Variants in CTIF observed in about 807,000 individuals in gnomAD.
CTIF encodes CBP80/20-dependent translation initiation factor.
CTIF carries 21 observed loss-of-function variants against 66.0 expected under a neutral mutation model. That is an observed-to-expected ratio of 0.32 (90% confidence interval 0.23 to 0.46). The LOEUF (loss-of-function observed/expected upper bound fraction) is 0.46. Among genes scored for constraint, CTIF ranks in the 20% least tolerant of loss-of-function variants. The pLI, the probability that CTIF is intolerant of heterozygous loss-of-function variation, is 1.00. For missense variants in CTIF, 739 were observed against 812.7 expected (o/e 0.91, Z 1.10); for synonymous variants, 345 against 326.4 (o/e 1.06, Z -0.62).
At chr18:48,841,473 C>G (rs1232098338) in intron 10 of CTIF, among the ~76,000 whole-genome samples, 1 of 152,212 alleles carries the variant, frequency 6.6e-6, no homozygotes, top group African/African-American at 2.4e-5. Flanking sequence ...GTTTAGTCGC[C>G]CCCAGGGAAG....
In CTIF at chr18:48,755,812, T is replaced by C. The variant is rs559389827; in HGVS notation, c.585-2107T>C. 10 of 152,330 alleles carry C rather than the reference T, an allele frequency of 6.6e-5. 1 individual carries two copies. In the South Asian group the frequency reaches 1.9e-3, roughly 28 times the overall value. 9.4% of individuals were successfully genotyped at this position (152,330 alleles called of 1,614,324 possible). A position where few individuals can be genotyped will look rare whatever the true frequency, so the allele number is the denominator to read the frequency against. On this transcript the variant is annotated intron_variant, in intron 7 of 11. Coordinates refer to ENST00000256413, the MANE Select transcript of CTIF (RefSeq NM_014772.3). ...TACCAGATTTTTACAGATATTTTAA[T>C]AATGACTCTTAAATTATTGAAATAA...
intron 6 of CTIF, among the ~76,000 whole-genome samples, chr18:48,686,481 G>C (rs2091841647): frequency 6.6e-6 from 1 of 152,100 alleles, no homozygotes; most frequent in Admixed American, 6.6e-5. Context: ...TTAATGAATG[G>C]TTCTTAGAAG....
At position 48,829,484 on chromosome 18, in the gene CTIF, C is replaced by T. The variant is rs117234362; in HGVS notation, c.1527+12108C>T. ...GGTAACTCAGAAGTCAAAATATAAG[C>T]CTGCCTGTTTCCCACCTTAAGGGAG... On this transcript the variant is annotated intron_variant, in intron 10 of 11. Transcript: ENST00000256413. Among the ~76,000 whole-genome samples, 615 of 152,336 alleles carry T rather than the reference C, an allele frequency of 4.0e-3. 3 individuals are homozygous for T. Among genetic ancestry groups the T allele is most frequent in the Non-Finnish European group, 6.9e-3 (467 of 68,038 alleles).
At chr18:48,627,281 AGG>A (rs2090620773) in intron 2 of CTIF, among the ~76,000 whole-genome samples, 1 of 152,190 alleles carries the variant, frequency 6.6e-6, no homozygotes, top group Non-Finnish European at 1.5e-5. Context: ...TTGTAGGCTC[AGG>A]GGGCAAAGTC....
At chr18:48,836,000 G>C (rs2068800620) in intron 10 of CTIF, among the ~76,000 whole-genome samples, 1 of 152,124 alleles carries the variant, frequency 6.6e-6, no homozygotes, top group Non-Finnish European at 1.5e-5. Context: ...CCTGGGGACA[G>C]GCACCGGGCT....
chr18:48,693,737 C>T lies in CTIF; in HGVS notation c.508-17882C>T, dbSNP rs183490379. Reference sequence around the variant, plus strand: ...GCAAGGGTCTATCGGCCATGATCCACGCGCCAAGTCCAGCCCTCCATTGGT... The same window carrying T: ...GCAAGGGTCTATCGGCCATGATCCATGCGCCAAGTCCAGCCCTCCATTGGT... On this transcript the variant is annotated intron_variant, in intron 6 of 11. Transcript: ENST00000256413. Among the ~76,000 whole-genome samples the T allele has an allele frequency of 5.9e-5, 9 of 152,320 alleles. No homozygotes were observed. The East Asian group carries it at 7.7e-4, about 13-fold the overall frequency.
At chr18:48,848,414 C>G (rs1457266779) in intron 10 of CTIF, among the ~76,000 whole-genome samples, 1 of 152,188 alleles carries the variant, frequency 6.6e-6, no homozygotes, top group Non-Finnish European at 1.5e-5. Context: ...AGGAAGGAGG[C>G]TCCTCCAGGC....
rs1555710346 is a variant in CTIF, at chr18:48,863,197, A to ACAC, written c.*3647_*3649dup. 1.7e-4 allele frequency: 25 copies of ACAC among 150,932 alleles called. No individual in the cohort carries two copies. Among genetic ancestry groups the ACAC allele is most frequent in the African/African-American group, 4.2e-4 (17 of 40,866 alleles). The allele number at this position is 150,932 out of a possible 1,614,324, so 9.3% of individuals were successfully genotyped here. A position where few individuals can be genotyped will look rare whatever the true frequency, so the allele number is the denominator to read the frequency against. ...ACTACAAGTGGGTTTAAAAAAATAAACACCACCACCAAAAACAAAATGCCC... is the reference window on the plus strand; with the variant it reads ...ACTACAAGTGGGTTTAAAAAAATAAACACCACCACCACCAAAAACAAAATGCCC... On this transcript the variant is annotated 3_prime_UTR_variant, in exon 12 of 12. Transcript: ENST00000256413.
intron 5 of CTIF, among the ~76,000 whole-genome samples, chr18:48,668,377 A>G (rs2091469609): frequency 6.6e-6 from 1 of 152,198 alleles, no homozygotes; most frequent in Non-Finnish European, 1.5e-5. Context: ...TGCAGAACAC[A>G]GAAGACTACA....
At chr18:48,599,449 G>A (rs2144108425) in intron 1 of CTIF, among the ~76,000 whole-genome samples, 1 of 152,210 alleles carries the variant, frequency 6.6e-6, no homozygotes, top group Middle Eastern at 3.4e-3. Context: ...GATGTCTTTG[G>A]ATATTTGTAG....
chr18:48,756,071 C>T (rs1431598765), intron 7 of CTIF: 1 of 152,200 alleles, frequency 6.6e-6, no homozygotes, highest in Non-Finnish European at 1.5e-5. Flanking sequence ...CAAAAGTCCA[C>T]TCTTTCTAGC....
intron 10 of CTIF, among the ~76,000 whole-genome samples, chr18:48,832,732 T>C (rs75334395): frequency 0.05 from 7,564 of 152,328 alleles, 435 homozygotes; most frequent in East Asian, 0.32. Context: ...AAGTATTTGC[T>C]GAATCTGGTT....
rs548008077 is a variant in CTIF at position 48,646,683 on chromosome 18, G to A, written c.252+9998G>A. Among the ~76,000 whole-genome samples, 47 of 151,442 alleles carry A rather than the reference G, an allele frequency of 3.1e-4. 1 individual carries two copies. The highest frequency in any genetic ancestry group is 5.0e-4 in the Non-Finnish European group (34 of 67,878). On this transcript the variant is annotated intron_variant, in intron 3 of 11. Transcript: ENST00000256413. ...GATCACTTGAGCCTGGGAGGTGGAGGTTGCGGTGAGCTGTGATCAAACCAC... is the reference window on the plus strand; with the variant it reads ...GATCACTTGAGCCTGGGAGGTGGAGATTGCGGTGAGCTGTGATCAAACCAC...
At chr18:48,709,527 T>A (rs2092199906) in intron 6 of CTIF, among the ~76,000 whole-genome samples, 1 of 152,210 alleles carries the variant, frequency 6.6e-6, no homozygotes, top group Non-Finnish European at 1.5e-5. Context: ...CTATGGCCAG[T>A]TCCCTCTGCC....
chr18:48,787,770 C>G (rs1331009001), intron 9 of CTIF, among the ~76,000 whole-genome samples: 1 of 152,192 alleles, frequency 6.6e-6, no homozygotes, highest in African/African-American at 2.4e-5. Flanking sequence ...TTCATGGCTC[C>G]CAGCTAGAAA....
At chr18:48,589,233 G>A (rs1015083579) in intron 1 of CTIF, among the ~76,000 whole-genome samples, 2 of 152,194 alleles carry the variant, frequency 1.3e-5, no homozygotes, top group Admixed American at 6.5e-5. Context: ...CCAGAATGAA[G>A]GTATCTGTAG....
chr18:48,605,510 TCTC>T (rs1290763859), intron 1 of CTIF, among the ~76,000 whole-genome samples: 3 of 152,238 alleles, frequency 2.0e-5, no homozygotes, highest in African/African-American at 4.8e-5. Flanking sequence ...GCTACAGACT[TCTC>T]CTGCTGTGTG....
At chr18:48,649,007 A>G (rs763868662) in intron 3 of CTIF, among the ~76,000 whole-genome samples, 47 of 152,184 alleles carry the variant, frequency 3.1e-4, no homozygotes, top group Non-Finnish European at 3.2e-4. Flanking sequence ...CCAAATAGGA[A>G]CAGCTCTGGT....
intron 1 of CTIF, among the ~76,000 whole-genome samples, chr18:48,548,282 G>T (rs1332804730): frequency 1.3e-5 from 2 of 152,148 alleles, no homozygotes; most frequent in African/African-American, 4.8e-5. Flanking sequence ...GGAACACACA[G>T]GCCTGTCCCA....
Sources: allele counts gnomAD v4.1 joint callset (sites outside exome capture counted in the v4.1 genomes callset), GRCh38; gene constraint gnomAD v4.1.1; transcripts MANE v1.5; gene names NCBI Gene and HGNC (gene_info 2026-07-23, HGNC 2026-07-21).